The following PCDH7 variants were observed in gnomAD, a reference collection of about 807,000 sequenced individuals.
PCDH7 encodes the protein protocadherin 7.
A neutral mutation model predicts 58.9 loss-of-function variants in PCDH7; 17 were observed. The ratio of observed to expected loss-of-function variants is 0.29; its 90% CI spans 0.20 to 0.43. PCDH7 has a LOEUF of 0.43. PCDH7 is among the 20% of genes least tolerant of loss of function. PCDH7 has a pLI of 1.00. For synonymous variants in PCDH7, 664 were observed against 616.4 expected, an observed-to-expected ratio of 1.08 and a Z score of -1.14; for missense variants, 1,274 against 1,441.0, an observed-to-expected ratio of 0.88 and a Z score of 1.88.
intron 1 of PCDH7, among the ~76,000 whole-genome samples, chr4:30,777,920 C>T (rs1176766309): frequency 6.6e-6 from 1 of 152,128 alleles, no homozygotes; most frequent in Non-Finnish European, 1.5e-5. Flanking sequence ...TAGAGCCTAT[C>T]ATCTTTTCAT....
intron 3 of PCDH7, among the ~76,000 whole-genome samples, chr4:31,111,373 C>G (rs1456020023): frequency 6.6e-6 from 1 of 150,780 alleles, no homozygotes; most frequent in South Asian, 2.1e-4. Flanking sequence ...AATGGTGCCA[C>G]CTCGGCTCAC....
At chr4:30,983,031 G>A (rs1750697036) in intron 3 of PCDH7, among the ~76,000 whole-genome samples, 1 of 152,134 alleles carries the variant, frequency 6.6e-6, no homozygotes, top group Non-Finnish European at 1.5e-5. Flanking sequence ...TTGATAACAT[G>A]CCTCTACTCT....
intron 3 of PCDH7, among the ~76,000 whole-genome samples, chr4:31,137,630 T>A (rs1719767218): frequency 6.6e-6 from 1 of 152,072 alleles, no homozygotes; most frequent in Admixed American, 6.6e-5. Flanking sequence ...AAGAAAATAC[T>A]TCTTATTTTT....
chr4:31,115,250 C>T (rs1441058816), intron 3 of PCDH7, among the ~76,000 whole-genome samples: 2 of 152,032 alleles, frequency 1.3e-5, no homozygotes, highest in African/African-American at 4.8e-5. Flanking sequence ...TATGAACAAG[C>T]AGTATATTTG....
intron 1 of PCDH7, among the ~76,000 whole-genome samples, chr4:30,773,149 C>T (rs1408428851): frequency 6.6e-6 from 1 of 152,216 alleles, no homozygotes; most frequent in Admixed American, 6.5e-5. Context: ...GTAAGCCACC[C>T]ACCTTGGCCT....
At chr4:31,092,822 A>G (rs1250520104) in intron 3 of PCDH7, among the ~76,000 whole-genome samples, 1 of 152,042 alleles carries the variant, frequency 6.6e-6, no homozygotes, top group African/African-American at 2.4e-5. Context: ...CAAAGCAATC[A>G]CCACTTTATG....
chr4:31,103,849 G>A (rs1228112668), intron 3 of PCDH7, among the ~76,000 whole-genome samples: 1 of 152,146 alleles, frequency 6.6e-6, no homozygotes, highest in Non-Finnish European at 1.5e-5. Context: ...TCTAAGCATA[G>A]CACTGAACAC....
intron 2 of PCDH7, among the ~76,000 whole-genome samples, chr4:30,927,830 G>C (rs935782576): frequency 1.4e-5 from 2 of 144,222 alleles, no homozygotes; most frequent in Non-Finnish European, 3.0e-5. Context: ...CCCCCTCTGC[G>C]AGAAACACCC....
intron 3 of PCDH7, among the ~76,000 whole-genome samples, chr4:30,965,121 G>A (rs1010631703): frequency 2.0e-5 from 3 of 152,070 alleles, no homozygotes; most frequent in Non-Finnish European, 4.4e-5. Context: ...ATTCTAATAC[G>A]ATTTGCAATT....
exon 4 of PCDH7, chr4:31,142,916 C>T: frequency 8.5e-7 from 1 of 1,174,788 alleles, no homozygotes; most frequent in South Asian, 1.4e-5. Context: ...AAAAACCTTA[C>T]AAAGCAAAAC....
intron 3 of PCDH7, among the ~76,000 whole-genome samples, chr4:30,985,177 G>A (rs555891270): frequency 6.0e-4 from 92 of 152,146 alleles, no homozygotes; most frequent in Admixed American, 1.3e-3. Context: ...GGCTGGTCTC[G>A]AACTTGTGAC....
At chr4:31,125,075 T>G (rs528677965) in intron 3 of PCDH7, among the ~76,000 whole-genome samples, 6 of 151,824 alleles carry the variant, frequency 4.0e-5, no homozygotes, top group Non-Finnish European at 7.4e-5. Context: ...GATAAACCTG[T>G]TTTTTTTAGC....
chr4:30,839,480 T>C (rs1019000407), intron 1 of PCDH7, among the ~76,000 whole-genome samples: 6 of 152,170 alleles, frequency 3.9e-5, no homozygotes, highest in African/African-American at 1.4e-4. Context: ...TTATGCAAGT[T>C]GAATAATAAT....
chr4:30,983,434 GT>G, intron 3 of PCDH7, among the ~76,000 whole-genome samples: 1 of 152,236 alleles, frequency 6.6e-6, no homozygotes, highest in South Asian at 2.1e-4. Flanking sequence ...CACTGCACGG[GT>G]CAGCATTTAA....
exon 2 of PCDH7, chr4:30,731,118 G>C (rs1172047004): frequency 9.6e-7 from 1 of 1,042,268 alleles, no homozygotes; most frequent in Non-Finnish European, 1.2e-6. Flanking sequence ...GCAACAATAA[G>C]TTTGAGACTT....
intron 2 of PCDH7, among the ~76,000 whole-genome samples, chr4:30,944,122 G>T (rs1171835398): frequency 6.6e-6 from 1 of 151,996 alleles, no homozygotes; most frequent in African/African-American, 2.4e-5. Context: ...GATATCATTT[G>T]CTCTTTCAAT....
chr4:31,029,032 C>G (rs768666629), intron 3 of PCDH7, among the ~76,000 whole-genome samples: 1 of 152,130 alleles, frequency 6.6e-6, no homozygotes, highest in Non-Finnish European at 1.5e-5. Flanking sequence ...ATTTCAGAAA[C>G]AATTACAAAA....
At chr4:30,748,382 T>C (rs1465116485) in intron 1 of PCDH7, among the ~76,000 whole-genome samples, 1 of 152,162 alleles carries the variant, frequency 6.6e-6, no homozygotes, top group African/African-American at 2.4e-5. Flanking sequence ...AAGATTTATT[T>C]GGCTCACAGT....
At chr4:30,934,365 G>A (rs1473819185) in intron 2 of PCDH7, among the ~76,000 whole-genome samples, 2 of 152,090 alleles carry the variant, frequency 1.3e-5, no homozygotes, top group East Asian at 3.8e-4. Context: ...ACAAAGTACA[G>A]GACTTCTGAC....
Sources: allele counts gnomAD v4.1 joint callset (sites outside exome capture counted in the v4.1 genomes callset), GRCh38; gene constraint gnomAD v4.1.1; transcripts MANE v1.5; gene names NCBI Gene and HGNC (gene_info 2026-07-23, HGNC 2026-07-21).